ASAP1: variants seen among roughly 807,000 people sequenced by gnomAD.
The protein encoded by ASAP1 is ArfGAP with SH3 domain, ankyrin repeat and PH domain 1.
In ASAP1, 43 loss-of-function variants were observed where a neutral mutation model predicts 145.2. That is an observed-to-expected ratio of 0.30 (90% CI 0.23 to 0.38). ASAP1 has a LOEUF of 0.38. ASAP1 is among the 10% of genes least tolerant of loss of function. The probability of loss-of-function intolerance (pLI) is 1.00; values close to 1 mark genes in which losing one functional copy is unlikely to be tolerated. For missense variants in ASAP1, 1,018 were observed against 1,355.3 expected, an observed-to-expected ratio of 0.75 and a Z score of 3.91; for synonymous variants, 546 against 515.5, an observed-to-expected ratio of 1.06 and a Z score of -0.80.
At chr8:130,257,846 C>T (rs540856915) in intron 3 of ASAP1, among the ~76,000 whole-genome samples, 74 of 139,604 alleles carry the variant, frequency 5.3e-4, no homozygotes, top group African/African-American at 1.9e-3. Flanking sequence ...CTCCATGTAA[C>T]ATGTTAGTTA....
At chr8:130,136,379 A>G (rs1185652029) in intron 14 of ASAP1, among the ~76,000 whole-genome samples, 1 of 152,142 alleles carries the variant, frequency 6.6e-6, no homozygotes, top group Non-Finnish European at 1.5e-5. Context: ...AGTGCCATCA[A>G]TTCACAGAGG....
intron 15 of ASAP1, among the ~76,000 whole-genome samples, chr8:130,130,061 GGCATTCTA>G (rs1246212577): frequency 2.0e-5 from 3 of 152,172 alleles, no homozygotes; most frequent in Non-Finnish European, 4.4e-5. Flanking sequence ...GCTTTCCTCA[GGCATTCTA>G]GCATTTGGCT....
At chr8:130,085,592 G>A (rs1201746216) in intron 25 of ASAP1, among the ~76,000 whole-genome samples, 1 of 151,888 alleles carries the variant, frequency 6.6e-6, no homozygotes, top group Non-Finnish European at 1.5e-5. Flanking sequence ...AAATCAGCTG[G>A]GTGTGGTGTG....
chr8:130,329,776 G>T (rs960147340), intron 3 of ASAP1, among the ~76,000 whole-genome samples: 7 of 152,206 alleles, frequency 4.6e-5, no homozygotes, highest in African/African-American at 1.4e-4. Context: ...CTTATGACGT[G>T]TTGCACTTCT....
chr8:130,087,125 C>T (rs1223634809), intron 25 of ASAP1, among the ~76,000 whole-genome samples: 1 of 152,188 alleles, frequency 6.6e-6, no homozygotes, highest in East Asian at 1.9e-4. Flanking sequence ...AGAGCCAAGA[C>T]CTGTCAGCCA....
intron 1 of ASAP1, among the ~76,000 whole-genome samples, chr8:130,415,646 G>A (rs559329676): frequency 6.6e-6 from 1 of 152,108 alleles, no homozygotes; most frequent in East Asian, 1.9e-4. Context: ...AAATTAGCCG[G>A]GCATGGTGGC....
intron 3 of ASAP1, among the ~76,000 whole-genome samples, chr8:130,260,752 G>T (rs1431260325): frequency 2.0e-5 from 3 of 152,064 alleles, no homozygotes; most frequent in Admixed American, 6.5e-5. Context: ...TCTATGTGCC[G>T]AACCACTTGC....
Position 130,063,660 on chromosome 8 carries a change from T to C in ASAP1, c.2702-2591A>G, listed in dbSNP as rs554811226. ...CCCCGCGATGTGGATATCACCATCA[T>C]CCCCATCTTCCAAGATACCGAGGGA... is the stretch of plus-strand genomic sequence containing the variant. On this transcript the variant is annotated intron_variant, in intron 27 of 29. Coordinates refer to ENST00000518721, the MANE Select transcript of ASAP1 (RefSeq NM_018482.4). Among the ~76,000 whole-genome samples the C allele has an allele frequency of 9.9e-5, 15 of 152,202 alleles. No individual in the cohort carries two copies. In the South Asian group the frequency reaches 2.1e-3, roughly 21 times the overall value.
intron 5 of ASAP1, among the ~76,000 whole-genome samples, chr8:130,193,116 C>A (rs1253109764): frequency 6.6e-6 from 1 of 152,182 alleles, no homozygotes; most frequent in Non-Finnish European, 1.5e-5. Context: ...CACCTCCAAT[C>A]CCAGCATTTT....
At chr8:130,202,376 TA>T (rs151271864) in intron 5 of ASAP1, among the ~76,000 whole-genome samples, 2,485 of 152,252 alleles carry the variant, frequency 0.016, 68 homozygotes, top group African/African-American at 0.055. Context: ...TGCTTTAGGG[TA>T]AACTATTAAA....
intron 3 of ASAP1, among the ~76,000 whole-genome samples, chr8:130,266,772 G>A (rs1329060127): frequency 6.6e-6 from 1 of 152,000 alleles, no homozygotes; most frequent in Non-Finnish European, 1.5e-5. Flanking sequence ...GAATAAAAAT[G>A]AGAAAAGAAC....
chr8:130,169,360 A>C (rs1813421999), intron 9 of ASAP1, among the ~76,000 whole-genome samples: 1 of 152,268 alleles, frequency 6.6e-6, no homozygotes, highest in Non-Finnish European at 1.5e-5. Flanking sequence ...CAGTGATTTC[A>C]TAACGTACAT....
intron 13 of ASAP1, among the ~76,000 whole-genome samples, chr8:130,140,160 G>A (rs1272977614): frequency 6.6e-6 from 1 of 151,152 alleles, no homozygotes; most frequent in African/African-American, 2.4e-5. Flanking sequence ...AGCCTCCCAA[G>A]TAGCTGGGAC....
chr8:130,063,640 C>A lies in ASAP1; in HGVS notation c.2702-2571G>T, dbSNP rs73405557. 6.3e-3 allele frequency among the ~76,000 whole-genome samples: 963 copies of A among 152,252 alleles called. 8 individuals are homozygous for A. The highest frequency in any genetic ancestry group is 0.022 in the African/African-American group (933 of 41,528). ...TAGCTTCATCTTCCTAAGAGCCCCG[C>A]GATGTGGATATCACCATCATCCCCA... On this transcript the variant is annotated intron_variant, in intron 27 of 29. Transcript: ENST00000518721.
intron 3 of ASAP1, among the ~76,000 whole-genome samples, chr8:130,277,048 C>T (rs1225237178): frequency 1.3e-5 from 2 of 152,152 alleles, no homozygotes; most frequent in East Asian, 3.8e-4. Flanking sequence ...CCCACCCTCA[C>T]CCGTCCACAT....
chr8:130,222,054 C>A (rs975208531), intron 4 of ASAP1, among the ~76,000 whole-genome samples: 6 of 152,140 alleles, frequency 3.9e-5, no homozygotes, highest in Non-Finnish European at 8.8e-5. Context: ...GCCTTTTACC[C>A]CGTGGACAGG....
chr8:130,426,164 A>C (rs1248338888), intron 1 of ASAP1, among the ~76,000 whole-genome samples: 1 of 151,994 alleles, frequency 6.6e-6, no homozygotes, highest in Non-Finnish European at 1.5e-5. Context: ...AACTCTCCCG[A>C]GATCCGCTTG....
intron 27 of ASAP1, among the ~76,000 whole-genome samples, chr8:130,070,978 AG>A (rs1430321579): frequency 8.4e-5 from 1 of 11,924 alleles, no homozygotes; most frequent in African/African-American, 7.2e-4. Context: ...AGAGAGGGGG[AG>A]GGGGGGAGAG....
intron 3 of ASAP1, among the ~76,000 whole-genome samples, chr8:130,296,524 T>C (rs1159055488): frequency 9.9e-5 from 15 of 151,798 alleles, no homozygotes; most frequent in Non-Finnish European, 2.1e-4. Context: ...TTTTTTTTTT[T>C]TCCCATTTGC....
Sources: gnomAD v4.1 joint callset for allele counts (sites outside exome capture counted in the v4.1 genomes callset) on GRCh38, gnomAD v4.1.1 for gene constraint, MANE v1.5 for transcripts, NCBI Gene and HGNC (gene_info 2026-07-23, HGNC 2026-07-21) for gene names.